The following SULT4A1 variants were observed in gnomAD, a reference collection of about 807,000 sequenced individuals.
The protein encoded by SULT4A1 is sulfotransferase 4A1.
SULT4A1 carries 11 observed loss-of-function variants against 35.2 expected under a neutral mutation model. That is an observed-to-expected ratio of 0.31 (90% confidence interval 0.20 to 0.52). The LOEUF is 0.52. Among genes scored for constraint, SULT4A1 ranks in the 20% least tolerant of loss-of-function variants. SULT4A1 has a pLI of 0.97. For missense variants in SULT4A1, 271 were observed against 383.7 expected, an observed-to-expected ratio of 0.71 and a Z score of 2.45; for synonymous variants, 152 against 151.8, an observed-to-expected ratio of 1.00 and a Z score of -0.01.
At chr22:43,840,953 C>G (rs1323952616) in intron 2 of SULT4A1, among the ~76,000 whole-genome samples, 1 of 152,192 alleles carries the variant, frequency 6.6e-6, no homozygotes, top group Admixed American at 6.5e-5. Context: ...CTGCTGGTCC[C>G]CCCCTGATCT....
intron 1 of SULT4A1, among the ~76,000 whole-genome samples, chr22:43,859,931 C>A (rs543388487): frequency 1.3e-5 from 2 of 152,202 alleles, no homozygotes; most frequent in Non-Finnish European, 2.9e-5. Flanking sequence ...AGTCCTAACC[C>A]GCCATCTAAG....
chr22:43,848,519 G>T (rs1402844758), intron 1 of SULT4A1, among the ~76,000 whole-genome samples: 2 of 152,218 alleles, frequency 1.3e-5, no homozygotes, highest in African/African-American at 4.8e-5. Flanking sequence ...GCCTCGAGCA[G>T]GAGGGTCCAC....
chr22:43,861,793 G>A (rs1382855861), intron 1 of SULT4A1, among the ~76,000 whole-genome samples: 1 of 152,202 alleles, frequency 6.6e-6, no homozygotes, highest in African/African-American at 2.4e-5. Context: ...TCCCTTCCCA[G>A]GTGAACACCA....
chr22:43,833,543 C>T (rs1285403309), intron 5 of SULT4A1, 97 bp downstream of exon 5: 1 of 874,498 alleles, frequency 1.1e-6, no homozygotes, highest in Non-Finnish European at 1.7e-6. Flanking sequence ...GACCCCTCCT[C>T]CTCCTCCCAC....
chr22:43,825,848 C>G lies in SULT4A1; in HGVS notation c.*153G>C. On this transcript the variant is annotated 3_prime_UTR_variant, in exon 7 of 7. Coordinates refer to ENST00000330884, the MANE Select transcript of SULT4A1 (RefSeq NM_014351.4). ...ACAGCTGCTTTCGGTTGGGAATCAT[C>G]ACACTCCCTCCGCTCACGCCGCTCT... 1.4e-6 allele frequency: 1 copy of G among 712,842 alleles called. No individual in the cohort carries two copies. The highest frequency in any genetic ancestry group is 1.9e-5 in the South Asian group (1 of 52,850). 44.2% of individuals were successfully genotyped at this position (712,842 alleles called of 1,614,324 possible). A position where few individuals can be genotyped will look rare whatever the true frequency, so the allele number is the denominator to read the frequency against.
In SULT4A1 at chr22:43,862,455, C is replaced by CCGCGCCCCGCACACGCT; in HGVS notation, c.-90_-74dup. On this transcript the variant is annotated 5_prime_UTR_variant, in exon 1 of 7. Coordinates refer to ENST00000330884, the MANE Select transcript of SULT4A1 (RefSeq NM_014351.4). Reference sequence around the variant, plus strand: ...CACGCGCCCGCGCCCGCGCCCGCGCCCGCGCCCCGCACACGCTCGCGCCCC... The same window carrying CCGCGCCCCGCACACGCT: ...CACGCGCCCGCGCCCGCGCCCGCGCCCGCGCCCCGCACACGCTCGCGCCCCGCACACGCTCGCGCCCC... 4 of 975,144 alleles carry CCGCGCCCCGCACACGCT rather than the reference C, an allele frequency of 4.1e-6. No homozygotes were observed. The highest frequency in any genetic ancestry group is 4.8e-6 in the Non-Finnish European group (4 of 825,088). 60.4% of individuals were successfully genotyped at this position (975,144 alleles called of 1,614,324 possible). A position where few individuals can be genotyped will look rare whatever the true frequency, so the allele number is the denominator to read the frequency against.
chr22:43,855,642 C>G (rs1014450058), intron 1 of SULT4A1, among the ~76,000 whole-genome samples: 2 of 152,154 alleles, frequency 1.3e-5, no homozygotes, highest in African/African-American at 2.4e-5. Context: ...GCTAGGAGCC[C>G]GCTCCCTGCT....
intron 4 of SULT4A1, among the ~76,000 whole-genome samples, chr22:43,835,035 C>G (rs2063358230): frequency 9.7e-6 from 1 of 103,404 alleles, no homozygotes; most frequent in Non-Finnish European, 1.9e-5. Flanking sequence ...CCCGCGCCCC[C>G]ACCGCGTCCC....
intron 1 of SULT4A1, among the ~76,000 whole-genome samples, chr22:43,861,517 C>T (rs1474240964): frequency 6.6e-6 from 1 of 152,134 alleles, no homozygotes; most frequent in Non-Finnish European, 1.5e-5. Context: ...CCAGCCTCTT[C>T]CCCTCTCTGA....
chr22:43,827,883 A>G (rs1420766151), intron 6 of SULT4A1, among the ~76,000 whole-genome samples: 1 of 152,230 alleles, frequency 6.6e-6, no homozygotes, highest in Admixed American at 6.5e-5. Flanking sequence ...AATAACAAAT[A>G]TTTATGAAAA....
At chr22:43,844,455 C>G (rs890956928) in intron 1 of SULT4A1, among the ~76,000 whole-genome samples, 1 of 152,184 alleles carries the variant, frequency 6.6e-6, no homozygotes, top group Non-Finnish European at 1.5e-5. Context: ...AAATCAGCCA[C>G]GCGGCTGAGC....
intron 1 of SULT4A1, among the ~76,000 whole-genome samples, chr22:43,856,692 A>T (rs147852442): frequency 5.9e-5 from 9 of 152,298 alleles, no homozygotes; most frequent in African/African-American, 2.2e-4. Flanking sequence ...ACCTCTGGAA[A>T]CTCAGCCCCT....
chr22:43,831,494 G>A (rs528042321), intron 5 of SULT4A1, among the ~76,000 whole-genome samples: 2 of 152,238 alleles, frequency 1.3e-5, no homozygotes, highest in South Asian at 4.2e-4. Flanking sequence ...AAGTGCTGAC[G>A]TCCACCAAGA....
intron 1 of SULT4A1, among the ~76,000 whole-genome samples, chr22:43,842,801 G>A (rs1476199337): frequency 3.3e-5 from 5 of 152,178 alleles, no homozygotes; most frequent in African/African-American, 1.2e-4. Flanking sequence ...GGCGATTCCG[G>A]GGTCTAGAGC....
intron 5 of SULT4A1, among the ~76,000 whole-genome samples, chr22:43,831,741 A>AC (rs1986839424): frequency 6.6e-6 from 1 of 152,234 alleles, no homozygotes; most frequent in Non-Finnish European, 1.5e-5. Context: ...CAAAGAGGCA[A>AC]CGCCAAGCTC....
At chr22:43,849,485 AAAGT>A (rs1377713217) in intron 1 of SULT4A1, among the ~76,000 whole-genome samples, 1 of 152,176 alleles carries the variant, frequency 6.6e-6, no homozygotes, top group East Asian at 1.9e-4. Flanking sequence ...AGAGAGAGAA[AAAGT>A]AACTGGACGT....
chr22:43,825,968 G>A lies in SULT4A1; in HGVS notation c.*33C>T, dbSNP rs1286324651. Reference sequence around the variant, plus strand: ...GACTTTTGGCTAGTAGACTGTCTGGGTATTGTGAGCATGCAGGTTGTTGTT... The same window carrying A: ...GACTTTTGGCTAGTAGACTGTCTGGATATTGTGAGCATGCAGGTTGTTGTT... On this transcript the variant is annotated 3_prime_UTR_variant, in exon 7 of 7. Transcript: ENST00000330884. 1.3e-6 allele frequency: 2 copies of A among 1,596,644 alleles called. No homozygotes were observed. The highest frequency in any genetic ancestry group is 3.3e-5 in the Admixed American group (2 of 59,764).
At chr22:43,833,575 T>C in intron 5 of SULT4A1, 65 bp downstream of exon 5, 2 of 1,247,308 alleles carry the variant, frequency 1.6e-6, no homozygotes, top group East Asian at 3.4e-5. Context: ...AAAGGGCTCC[T>C]GCGTCAGGAG....
intron 5 of SULT4A1, among the ~76,000 whole-genome samples, chr22:43,830,979 A>C (rs865955856): frequency 6.6e-6 from 1 of 152,194 alleles, no homozygotes; most frequent in Non-Finnish European, 1.5e-5. Context: ...CTAAAAAAAG[A>C]ATAAACCCAT....
Sources: gnomAD v4.1 joint callset for allele counts (sites outside exome capture counted in the v4.1 genomes callset) on GRCh38, gnomAD v4.1.1 for gene constraint, MANE v1.5 for transcripts, NCBI Gene and HGNC (gene_info 2026-07-23, HGNC 2026-07-21) for gene names.